The following ATP13A4 variants were observed in gnomAD, a reference collection of about 807,000 sequenced individuals.
ATP13A4 encodes the protein ATPase 13A4, also known as probable cation-transporting ATPase 13A4.
Under a neutral mutation model 142.5 loss-of-function variants are expected in ATP13A4, and 114 were observed. The ratio of observed to expected loss-of-function variants is 0.80; its 90% CI spans 0.69 to 0.93. The LOEUF is 0.93. Ranked by LOEUF, ATP13A4 falls within the 40% of genes least tolerant of loss-of-function variation. The probability of loss-of-function intolerance (pLI) is 0.00; values close to 1 mark genes in which losing one functional copy is unlikely to be tolerated. For missense variants in ATP13A4, 1,392 were observed against 1,454.0 expected, an observed-to-expected ratio of 0.96 and a Z score of 0.69; for synonymous variants, 488 against 514.8, an observed-to-expected ratio of 0.95 and a Z score of 0.70.
chr3:193,440,460 GC>G, intron 21 of ATP13A4, 97 bp downstream of exon 21: 1 of 1,584,804 alleles, frequency 6.3e-7, no homozygotes, highest in Non-Finnish European at 8.6e-7. Context: ...ACGGACCACT[GC>G]CCTTGTCAAA....
chr3:193,571,474 A>G (rs752126475), intron 2 of ATP13A4, among the ~76,000 whole-genome samples: 1 of 152,136 alleles, frequency 6.6e-6, no homozygotes, highest in Admixed American at 6.5e-5. Flanking sequence ...CACAGTGTAC[A>G]GTATGAGGGG....
chr3:193,410,871 A>T (rs1167236053), intron 28 of ATP13A4, 111 bp downstream of exon 28: 4 of 752,686 alleles, frequency 5.3e-6, no homozygotes, highest in African/African-American at 1.7e-5. Flanking sequence ...CTGCCATCCC[A>T]AAAGAATAAT....
At chr3:193,471,581 C>CAA (rs775659138) in intron 8 of ATP13A4, among the ~76,000 whole-genome samples, 106 of 135,746 alleles carry the variant, frequency 7.8e-4, no homozygotes, top group African/African-American at 2.7e-3. Flanking sequence ...GATCCTGCCT[C>CAA]AAAAAAAAAA....
intron 1 of ATP13A4, among the ~76,000 whole-genome samples, chr3:193,532,436 T>C (rs1387792188): frequency 6.7e-6 from 1 of 148,180 alleles, no homozygotes; most frequent in African/African-American, 2.5e-5. Flanking sequence ...CCCAACAAAC[T>C]GAATTACACC....
At chr3:193,545,031 A>G (rs1462316439) in intron 1 of ATP13A4, among the ~76,000 whole-genome samples, 1 of 152,150 alleles carries the variant, frequency 6.6e-6, no homozygotes, top group East Asian at 1.9e-4. Context: ...ACATTTTTCA[A>G]TTCATCTCAT....
At chr3:193,416,836 T>C (rs1438117292) in intron 25 of ATP13A4, among the ~76,000 whole-genome samples, 1 of 152,122 alleles carries the variant, frequency 6.6e-6, no homozygotes, top group Non-Finnish European at 1.5e-5. Flanking sequence ...CCAAATTTGA[T>C]GAAAGGCATA....
intron 25 of ATP13A4, among the ~76,000 whole-genome samples, chr3:193,417,675 AC>A (rs1302736565): frequency 4.0e-5 from 6 of 151,074 alleles, no homozygotes; most frequent in African/African-American, 1.5e-4. Flanking sequence ...TGGGAGTTCT[AC>A]CCAGAGACAT....
At position 193,466,198 on chromosome 3, in the gene ATP13A4, C is replaced by G; in HGVS notation, c.1115-16G>C. On this transcript the variant is annotated splice_polypyrimidine_tract_variant and intron_variant, in intron 10 of 29. Coordinates refer to ENST00000342695, the MANE Select transcript of ATP13A4 (RefSeq NM_032279.4). ...GTGTTGAATCCTGGAACAACAAACA[C>G]ACACCCCACACTCTCAGGAGACCAA... is the stretch of plus-strand genomic sequence containing the variant. 1 of 1,613,472 alleles carries G rather than the reference C, an allele frequency of 6.2e-7. No homozygotes were observed. Among genetic ancestry groups the G allele is most frequent in the South Asian group, 1.1e-5 (1 of 91,046 alleles).
chr3:193,412,425 G>A, intron 26 of ATP13A4, 54 bp from the exon 27 acceptor site: 1 of 1,519,148 alleles, frequency 6.6e-7, no homozygotes, highest in South Asian at 1.1e-5. Context: ...GCTTTATGGA[G>A]CATTTGTATC....
Position 193,399,277 on chromosome 3 carries a change from A to C in ATP13A4, c.*3375T>G, listed in dbSNP as rs1714188939. 6.6e-6 allele frequency among the ~76,000 whole-genome samples: 1 copy of C among 152,172 alleles called. No homozygotes were observed. Among genetic ancestry groups the C allele is most frequent in the African/African-American group, 2.4e-5 (1 of 41,436 alleles). ...ATTGATAACAGGTTGCTCCGCCCTC[A>C]AGTTTAGGGCACTCTCCCACGCTCT... On this transcript the variant is annotated 3_prime_UTR_variant, in exon 30 of 30. Transcript: ENST00000342695.
intron 2 of ATP13A4, among the ~76,000 whole-genome samples, chr3:193,576,566 C>G (rs1221397853): frequency 1.3e-5 from 2 of 152,104 alleles, no homozygotes; most frequent in Admixed American, 6.5e-5. Context: ...CCACCGCGCC[C>G]GGCCTTGAAT....
chr3:193,574,343 C>A (rs1325221783), intron 2 of ATP13A4, among the ~76,000 whole-genome samples: 1 of 152,218 alleles, frequency 6.6e-6, no homozygotes, highest in African/African-American at 2.4e-5. Context: ...CTACTGATCA[C>A]TCTCTTCTTG....
At chr3:193,434,059 T>C in intron 24 of ATP13A4, 142 bp from the exon 25 acceptor site, 2 of 738,158 alleles carry the variant, frequency 2.7e-6, no homozygotes, top group South Asian at 3.0e-5. Context: ...CCTGGTTGAG[T>C]TGGTGAGTGA....
chr3:193,407,439 G>T, intron 28 of ATP13A4, 46 bp from the exon 29 acceptor site: 2 of 1,447,160 alleles, frequency 1.4e-6, no homozygotes, highest in Non-Finnish European at 9.7e-7. Context: ...ACACGCAGAT[G>T]CTGGAAACAT....
intron 28 of ATP13A4, among the ~76,000 whole-genome samples, chr3:193,408,117 G>C (rs1714593268): frequency 6.6e-6 from 1 of 152,228 alleles, no homozygotes; most frequent in South Asian, 2.1e-4. Context: ...GAATGAAAAA[G>C]TGCCAAGGGC....
At chr3:193,490,760 G>A (rs538352200) in intron 6 of ATP13A4, among the ~76,000 whole-genome samples, 15 of 152,220 alleles carry the variant, frequency 9.9e-5, no homozygotes, top group African/African-American at 3.6e-4. Context: ...AGTTTAGTAA[G>A]CTTGTTTTAA....
chr3:193,467,486 C>T lies in ATP13A4; in HGVS notation c.944G>A (p.Gly315Glu), dbSNP rs763014968. 6.2e-7 allele frequency: 1 copy of T among 1,613,100 alleles called. No individual in the cohort carries two copies. The highest frequency in any genetic ancestry group is 2.2e-5 in the East Asian group (1 of 44,864). The change falls in exon 10 of 30, where the codon GGA (glycine) becomes GAA (glutamate). Residue 315 changes from glycine (G) to glutamate (E), a missense_variant and splice_region_variant. Gly to Glu is a moderately conservative substitution (Grantham distance 98). Transcript: ENST00000342695. ...SCVVDEGMLT[G>E]ESIPVTKTPL... is the part of the protein sequence containing the mutation. ...AGTTTTGGTGACTGGAATACTTTCT[C>T]CTACAGAAAACAAGCATCTTGTTTT...
At position 193,399,307 on chromosome 3, in the gene ATP13A4, T is replaced by G. The variant is rs1342231930; in HGVS notation, c.*3345A>C. On this transcript the variant is annotated 3_prime_UTR_variant, in exon 30 of 30. Transcript: ENST00000342695. ...TAGGGCACTCTCCCACGCTCTTTCA[T>G]GCAAAGTTTTTTAACACCTCTCTTT... 6.6e-6 allele frequency among the ~76,000 whole-genome samples: 1 copy of G among 152,230 alleles called. No individual in the cohort carries two copies. The highest frequency in any genetic ancestry group is 2.4e-5 in the African/African-American group (1 of 41,464).
intron 28 of ATP13A4, among the ~76,000 whole-genome samples, chr3:193,408,960 G>GT (rs1714638671): frequency 6.6e-6 from 1 of 151,966 alleles, no homozygotes; most frequent in Admixed American, 6.6e-5. Flanking sequence ...AAATATAATA[G>GT]TTTTCTACTG....
Sources: allele counts gnomAD v4.1 joint callset (sites outside exome capture counted in the v4.1 genomes callset), GRCh38; gene constraint gnomAD v4.1.1; transcripts MANE v1.5; gene names NCBI Gene and HGNC (gene_info 2026-07-23, HGNC 2026-07-21).